The following MAPKBP1 variants were observed in gnomAD, a reference collection of about 807,000 sequenced individuals.
MAPKBP1 encodes the protein mitogen-activated protein kinase-binding protein 1.
In MAPKBP1, 71 loss-of-function variants were observed where a neutral mutation model predicts 170.5. The ratio of observed to expected loss-of-function variants is 0.42; its 90% confidence interval spans 0.34 to 0.51. The LOEUF (loss-of-function observed/expected upper bound fraction) is 0.51, where lower values mean the gene tolerates loss of function less well. Among genes scored for constraint, MAPKBP1 ranks in the 20% least tolerant of loss-of-function variants. MAPKBP1 has a pLI of 0.06. For missense variants in MAPKBP1, 1,598 were observed against 1,933.0 expected (o/e 0.83, Z 3.25); for synonymous variants, 719 against 757.9 (o/e 0.95, Z 0.84).
At chr15:41,790,809 CACTTTGA>C (rs1219856113) in intron 2 of MAPKBP1, among the ~76,000 whole-genome samples, 2 of 152,170 alleles carry the variant, frequency 1.3e-5, no homozygotes, top group African/African-American at 2.4e-5. Flanking sequence ...GACCAGATGG[CACTTTGA>C]ACTTTGAAGC....
At chr15:41,811,012 G>T in intron 4 of MAPKBP1, 67 bp downstream of exon 4, 1 of 1,593,092 alleles carries the variant, frequency 6.3e-7, no homozygotes. Flanking sequence ...ACTGTCTAGA[G>T]TCTCTATGGC....
intron 3 of MAPKBP1, among the ~76,000 whole-genome samples, chr15:41,802,617 G>A (rs1225546739): frequency 6.6e-6 from 1 of 152,110 alleles, no homozygotes; most frequent in Non-Finnish European, 1.5e-5. Context: ...GGGATTACAG[G>A]CTCCTGCCAC....
At position 41,819,310 on chromosome 15, in the gene MAPKBP1, G is replaced by C. The variant is rs888173999; in HGVS notation, c.2356G>C (p.Glu786Gln). ...ALSSDSDKEGEDEGTEEELPA... is the reference protein window; with the variant it reads ...ALSSDSDKEGQDEGTEEELPA... Reference sequence around the variant, plus strand: ...CTCATCAGACAGTGACAAGGAGGGAGAAGATGAGGGGACTGAAGAAGAACT... The same window carrying C: ...CTCATCAGACAGTGACAAGGAGGGACAAGATGAGGGGACTGAAGAAGAACT... Residue 786 changes from glutamate to glutamine, a missense_variant, in exon 21 of 31, where the codon GAA becomes CAA. Coordinates refer to ENST00000457542, the MANE Select transcript of MAPKBP1 (RefSeq NM_014994.3). 1 of 1,614,198 alleles carries C rather than the reference G, an allele frequency of 6.2e-7. No homozygotes were observed. Among genetic ancestry groups the C allele is most frequent in the African/African-American group, 1.3e-5 (1 of 75,040 alleles).
Position 41,813,056 on chromosome 15 carries a change from C to T in MAPKBP1, c.774C>T (p.Cys258=), listed in dbSNP as rs373664505. 66 of 1,612,262 alleles carry T rather than the reference C, an allele frequency of 4.1e-5. No individual in the cohort carries two copies. The highest frequency in any genetic ancestry group is 3.0e-4 in the Admixed American group (18 of 59,760). ...TFCITSSGLL[C]EFSDRRLLDK... ...GCATCACGTCCTCAGGGCTGCTGTG[C>T]GAGTTCAGTGATCGAAGGCTTTTGG... Residue 258 remains cysteine, a synonymous_variant, in exon 8 of 31, where the codon TGC becomes TGT. Transcript: ENST00000457542.
intron 6 of MAPKBP1, 121 bp from the exon 7 acceptor site, chr15:41,812,395 G>C: frequency 7.1e-7 from 1 of 1,412,438 alleles, no homozygotes; most frequent in South Asian, 1.2e-5. Context: ...TTTCTGGCCA[G>C]TAAATTCTGG....
At chr15:41,787,577 A>G (rs2064321397) in intron 2 of MAPKBP1, among the ~76,000 whole-genome samples, 1 of 152,134 alleles carries the variant, frequency 6.6e-6, no homozygotes, top group Non-Finnish European at 1.5e-5. Context: ...CATGTTGGCC[A>G]GAATGGTCTT....
intron 11 of MAPKBP1, 83 bp from the exon 12 acceptor site, chr15:41,815,541 G>C (rs1439474450): frequency 6.4e-7 from 1 of 1,555,514 alleles, no homozygotes; most frequent in Non-Finnish European, 8.7e-7. Flanking sequence ...TGGTCCAAGG[G>C]TTTGTTTTGC....
intron 25 of MAPKBP1, 29 bp downstream of exon 25, chr15:41,822,139 A>G (rs370516202): frequency 9.2e-5 from 64 of 696,982 alleles, no homozygotes; most frequent in Non-Finnish European, 1.2e-4. Flanking sequence ...GGGAGGGGCC[A>G]TGGGGGGTGG....
intron 3 of MAPKBP1, among the ~76,000 whole-genome samples, chr15:41,808,395 A>G (rs1041998133): frequency 6.7e-6 from 1 of 148,782 alleles, no homozygotes; most frequent in Non-Finnish European, 1.5e-5. Flanking sequence ...GTGAGCCACC[A>G]CTCCCGGCTC....
At chr15:41,797,393 C>G (rs1213897974) in intron 2 of MAPKBP1, among the ~76,000 whole-genome samples, 2 of 152,166 alleles carry the variant, frequency 1.3e-5, no homozygotes, top group Non-Finnish European at 2.9e-5. Context: ...TGGGTAATGC[C>G]AGCCTGGGGC....
chr15:41,827,404 T>C lies in MAPKBP1; in HGVS notation c.*1968T>C, dbSNP rs1484881945. On this transcript the variant is annotated 3_prime_UTR_variant, in exon 31 of 31. Transcript: ENST00000457542. ...CTGGCCCTTCCCCACTCCTCTAGCA[T>C]CGCCACCCGCATGGCCCTGGAACTC... The C allele has an allele frequency of 3.9e-5, 6 of 152,316 alleles. No individual in the cohort carries two copies. The highest frequency in any genetic ancestry group is 1.4e-4 in the African/African-American group (6 of 41,430). The allele number at this position is 152,316 out of a possible 1,614,324, so 9.4% of individuals were successfully genotyped here.
At chr15:41,793,115 G>T (rs190181977) in intron 2 of MAPKBP1, among the ~76,000 whole-genome samples, 2 of 152,092 alleles carry the variant, frequency 1.3e-5, no homozygotes, top group Admixed American at 1.3e-4. Context: ...TATGAAAAAG[G>T]TTTGCAAAAA....
chr15:41,804,195 T>C (rs938578643), intron 3 of MAPKBP1, among the ~76,000 whole-genome samples: 3 of 152,208 alleles, frequency 2.0e-5, no homozygotes, highest in African/African-American at 7.2e-5. Context: ...ACCTGCCCTT[T>C]GAATGAGAAG....
intron 3 of MAPKBP1, 137 bp from the exon 4 acceptor site, chr15:41,810,746 G>T: frequency 1.7e-6 from 1 of 591,650 alleles, no homozygotes; most frequent in Non-Finnish European, 3.0e-6. Context: ...AAAAGAAAAG[G>T]AAAAAAACAG....
chr15:41,814,647 C>G lies in MAPKBP1; in HGVS notation c.1078C>G (p.His360Asp). 1.2e-6 allele frequency: 2 copies of G among 1,614,176 alleles called. No homozygotes were observed. Among genetic ancestry groups the G allele is most frequent in the Non-Finnish European group, 1.7e-6 (2 of 1,180,040 alleles). ...GTGGCTGTCTTGTGTGTACAACGAT[C>G]ATAGCATTTATGTTTGGGATGTGAG... The part of the protein sequence containing the change: ...NQWLSCVYND[H>D]SIYVWDVRDP... The change falls in exon 10 of 31, where the codon CAT becomes GAT. Residue 360 changes from histidine to aspartate, a missense_variant. Physicochemically the swap from His to Asp is moderately conservative, Grantham distance 81. Transcript: ENST00000457542.
chr15:41,782,154 C>G (rs1337449601), intron 2 of MAPKBP1, among the ~76,000 whole-genome samples: 1 of 149,068 alleles, frequency 6.7e-6, no homozygotes, highest in Non-Finnish European at 1.5e-5. Flanking sequence ...CCCAGCTACT[C>G]GCGAGGCTGA....
In MAPKBP1 at chr15:41,816,614, G is replaced by C. The variant is rs1422666671; in HGVS notation, c.1549G>C (p.Glu517Gln). 1 of 1,614,040 alleles carries C rather than the reference G, an allele frequency of 6.2e-7. No homozygotes were observed. Among genetic ancestry groups the C allele is most frequent in the Non-Finnish European group, 8.5e-7 (1 of 1,180,038 alleles). Reference protein sequence around the residue: ...EMLKVEAHDSEILCLEYSKPD... With the variant: ...EMLKVEAHDSQILCLEYSKPD... ...GCTGAAGGTGGAGGCCCATGACTCTGAGATTCTGTGCCTGGAGTATTCTAA... is the reference window on the plus strand; with the variant it reads ...GCTGAAGGTGGAGGCCCATGACTCTCAGATTCTGTGCCTGGAGTATTCTAA... The change falls in exon 13 of 31, where the codon GAG (glutamate) becomes CAG (glutamine). Residue 517 changes from glutamate to glutamine, a missense_variant. Glu to Gln is a conservative substitution (Grantham distance 29). Coordinates refer to ENST00000457542, the MANE Select transcript of MAPKBP1 (RefSeq NM_014994.3).
intron 21 of MAPKBP1, 83 bp from the exon 22 acceptor site, chr15:41,819,512 T>A: frequency 7.2e-7 from 1 of 1,398,344 alleles, no homozygotes; most frequent in Admixed American, 1.8e-5. Flanking sequence ...ACACAGGGTA[T>A]GGGCTGATGG....
At chr15:41,786,013 A>C (rs986590792) in intron 2 of MAPKBP1, among the ~76,000 whole-genome samples, 2 of 152,230 alleles carry the variant, frequency 1.3e-5, no homozygotes, top group Non-Finnish European at 2.9e-5. Flanking sequence ...ATTGGTGTAC[A>C]TCAATAAGAT....
Sources: gnomAD v4.1 joint callset for allele counts (sites outside exome capture counted in the v4.1 genomes callset) on GRCh38, gnomAD v4.1.1 for gene constraint, MANE v1.5 for transcripts, NCBI Gene and HGNC (gene_info 2026-07-23, HGNC 2026-07-21) for gene names.